PIWIL3: variants seen among roughly 807,000 people sequenced by gnomAD.
PIWIL3 encodes piwi-like protein 3.
Under a neutral mutation model 109.7 loss-of-function variants are expected in PIWIL3, and 101 were observed. The observed-to-expected ratio is 0.92, with a 90% CI of 0.78 to 1.09. The LOEUF is 1.09. PIWIL3 is among the 50% of genes least tolerant of loss of function. The pLI, the probability that PIWIL3 is intolerant of heterozygous loss-of-function variation, is 0.00. For synonymous variants in PIWIL3, 373 were observed against 376.4 expected (o/e 0.99, Z 0.10); for missense variants, 1,031 against 1,072.6 (o/e 0.96, Z 0.54).
rs1482280781 is a variant in PIWIL3 at position 24,726,721 on chromosome 22, C to G, written c.2010-1206G>C. On this transcript the variant is annotated intron_variant, in intron 16 of 20. Coordinates refer to ENST00000616349, the MANE Select transcript of PIWIL3 (RefSeq NM_001255975.1). ...ATAATTTTTCCCTATGATTGCAACG[C>G]TATTTTCAAACAAAAAGTAGAGCAA... Among the ~76,000 whole-genome samples the G allele has an allele frequency of 2.0e-5, 3 of 152,120 alleles. 1 individual carries two copies. Among genetic ancestry groups the G allele is most frequent in the Non-Finnish European group, 4.4e-5 (3 of 68,012 alleles).
chr22:24,765,737 A>G (rs924174186), intron 1 of PIWIL3, among the ~76,000 whole-genome samples: 1 of 152,028 alleles, frequency 6.6e-6, no homozygotes, highest in African/African-American at 2.4e-5. Context: ...TTATTGTATA[A>G]AAAGTTCCAC....
chr22:24,761,505 C>T (rs1408095696), intron 2 of PIWIL3, among the ~76,000 whole-genome samples: 1 of 152,160 alleles, frequency 6.6e-6, no homozygotes, highest in African/African-American at 2.4e-5. Flanking sequence ...TGGGAGTGAA[C>T]TCAGTGAGTC....
Position 24,725,484 on chromosome 22 carries a change from C to T in PIWIL3, c.2041G>A (p.Gly681Arg). 1 of 1,614,096 alleles carries T rather than the reference C, an allele frequency of 6.2e-7. No individual in the cohort carries two copies. Among genetic ancestry groups the T allele is most frequent in the East Asian group, 2.2e-5 (1 of 44,894 alleles). Residue 681 changes from glycine (G) to arginine (R), a missense_variant, in exon 17 of 21, where the codon GGA (glycine) becomes AGA (arginine). Transcript: ENST00000616349. ...TCCAGCTCTTTCACAAGCTCTTCTC[C>T]TGTTTTCTGGATGACACATTGAGAG... is the stretch of plus-strand genomic sequence containing the variant. ...WYSQCVIQKT[G>R]EELVKELEIC... is the part of the protein sequence containing the mutation.
rs1318079806 is a variant in PIWIL3 at position 24,728,079 on chromosome 22, T to C, written c.1906-26A>G. The C allele has an allele frequency of 2.5e-6, 4 of 1,611,310 alleles. No homozygotes were observed. The South Asian group carries it at 3.3e-5, about 13-fold the overall frequency. ...CTTAAGTTTGTTTTTGAAAAGGTAA[T>C]GGAGTTAGAACGTGAGCAAAATTTA... On this transcript the variant is annotated intron_variant, in intron 15 of 20. Transcript: ENST00000616349.
chr22:24,747,699 A>G (rs768782608), intron 12 of PIWIL3, among the ~76,000 whole-genome samples: 11 of 152,202 alleles, frequency 7.2e-5, no homozygotes, highest in Non-Finnish European at 1.5e-4. Flanking sequence ...GCTGATATCA[A>G]TGATCAGAGA....
chr22:24,757,098 A>AAAAAAAAAAAAG (rs1555912998), intron 4 of PIWIL3, among the ~76,000 whole-genome samples: 4 of 146,446 alleles, frequency 2.7e-5, no homozygotes, highest in African/African-American at 1.0e-4. Context: ...AAAAAAAAAA[A>AAAAAAAAAAAAG]AAAAGAAAAG....
intron 18 of PIWIL3, 98 bp from the exon 19 acceptor site, chr22:24,723,353 A>G: frequency 7.8e-7 from 1 of 1,278,310 alleles, no homozygotes; most frequent in Non-Finnish European, 1.1e-6. Context: ...GGACCCATTA[A>G]GAAGAACAGA....
intron 13 of PIWIL3, 22 bp from the exon 14 acceptor site, chr22:24,734,178 C>T (rs1234290112): frequency 6.2e-7 from 1 of 1,606,226 alleles, no homozygotes; most frequent in Admixed American, 1.7e-5. Flanking sequence ...ATATAGCATC[C>T]ACATCCAAAA....
At position 24,755,923 on chromosome 22, in the gene PIWIL3, C is replaced by CA. The variant is rs143403523; in HGVS notation, c.571-19dup. 7,771 of 1,531,322 alleles carry CA rather than the reference C, an allele frequency of 5.1e-3. 13 individuals are homozygous for CA. The highest frequency in any genetic ancestry group is 5.6e-3 in the Non-Finnish European group (6,339 of 1,130,514). The allele number at this position is 1,531,322 out of a possible 1,614,324, so 94.9% of individuals were successfully genotyped here. On this transcript the variant is annotated intron_variant, in intron 5 of 20. Coordinates refer to ENST00000616349, the MANE Select transcript of PIWIL3 (RefSeq NM_001255975.1). ...TCCACTCTCTGAGATTAAAAAAAAA[C>CA]AAAAAAAAAAGTCCAGATATTCTTC...
At chr22:24,736,784 G>A (rs556035467) in intron 12 of PIWIL3, among the ~76,000 whole-genome samples, 8 of 152,236 alleles carry the variant, frequency 5.3e-5, no homozygotes, top group Non-Finnish European at 1.2e-4. Flanking sequence ...CACAGCAACT[G>A]TGAGGCTTTG....
rs1393015805 is a variant in PIWIL3 at position 24,728,011 on chromosome 22, T to C, written c.1948A>G (p.Ile650Val). The change falls in exon 16 of 21, where the codon ATC becomes GTC. Residue 650 changes from isoleucine (I) to valine (V), a missense_variant. Physicochemically the swap from Ile to Val is conservative, Grantham distance 29. Coordinates refer to ENST00000616349, the MANE Select transcript of PIWIL3 (RefSeq NM_001255975.1). ...MFVGIDCFHD[I>V]VNRQKSIAGF... Reference sequence around the variant, plus strand: ...GCTATTGATTTCTGTCGATTTACGATATCGTGGAAACAATCAATGCCAACG... The same window carrying C: ...GCTATTGATTTCTGTCGATTTACGACATCGTGGAAACAATCAATGCCAACG... 41 of 1,614,098 alleles carry C rather than the reference T, an allele frequency of 2.5e-5. No homozygotes were observed. The highest frequency in any genetic ancestry group is 3.5e-5 in the Non-Finnish European group (41 of 1,180,002).
intron 18 of PIWIL3, 120 bp from the exon 19 acceptor site, chr22:24,723,375 C>A: frequency 9.9e-7 from 1 of 1,012,342 alleles, no homozygotes; most frequent in East Asian, 2.6e-5. Flanking sequence ...AGCAGCCCTC[C>A]TTACACCCTA....
chr22:24,742,385 G>GA (rs71274254), intron 12 of PIWIL3, among the ~76,000 whole-genome samples: 64,048 of 150,316 alleles, frequency 0.43, 14,161 homozygotes, highest in East Asian at 0.69. Context: ...CATAGAACTA[G>GA]AAAAAAAAAT....
At position 24,723,176 on chromosome 22, in the gene PIWIL3, G is replaced by C. The variant is rs754500300; in HGVS notation, c.2311C>G (p.Pro771Ala). 56 of 1,612,734 alleles carry C rather than the reference G, an allele frequency of 3.5e-5. No individual in the cohort carries two copies. In the South Asian group the frequency reaches 4.2e-4, roughly 12 times the overall value. The change falls in exon 19 of 21, where the codon CCA (proline) becomes GCA (alanine). Residue 771 changes from proline to alanine, a missense_variant. By Grantham distance (27) the Pro-to-Ala change is conservative. Transcript: ENST00000616349. ...FLKHGSNFQN[P>A]PPGTVIDVEL... ...ACATCAATAACTGTTCCTGGAGGTGGATTTTGAAAATTGCTTCCATGTTTA... is the reference window on the plus strand; with the variant it reads ...ACATCAATAACTGTTCCTGGAGGTGCATTTTGAAAATTGCTTCCATGTTTA...
At chr22:24,756,760 A>G (rs1297093398) in intron 4 of PIWIL3, 55 bp from the exon 5 acceptor site, 1 of 1,453,978 alleles carries the variant, frequency 6.9e-7, no homozygotes, top group African/African-American at 1.4e-5. Flanking sequence ...GCCCAAAACA[A>G]ACAGTTTGGA....
chr22:24,759,536 T>C (rs1164599324), intron 3 of PIWIL3, among the ~76,000 whole-genome samples: 2 of 152,182 alleles, frequency 1.3e-5, no homozygotes, highest in African/African-American at 2.4e-5. Context: ...AATGCCACAA[T>C]TTAAAGAGGA....
chr22:24,751,222 T>C (rs1301677451), intron 9 of PIWIL3, among the ~76,000 whole-genome samples, 165 bp downstream of exon 9: 1 of 152,084 alleles, frequency 6.6e-6, no homozygotes, highest in African/African-American at 2.4e-5. Context: ...TTACCCTATA[T>C]ACAAGGCACG....
intron 12 of PIWIL3, among the ~76,000 whole-genome samples, chr22:24,744,185 A>C (rs1465194109): frequency 4.8e-5 from 7 of 144,520 alleles, no homozygotes; most frequent in African/African-American, 7.6e-5. Flanking sequence ...AATTAAAAAA[A>C]AAAAAAAAAA....
At chr22:24,761,320 G>A (rs1348299314) in intron 2 of PIWIL3, among the ~76,000 whole-genome samples, 1 of 152,168 alleles carries the variant, frequency 6.6e-6, no homozygotes, top group Non-Finnish European at 1.5e-5. Context: ...CTCCACAAAG[G>A]AGAGCAAGTG....
Sources: allele counts gnomAD v4.1 joint callset (sites outside exome capture counted in the v4.1 genomes callset), GRCh38; gene constraint gnomAD v4.1.1; transcripts MANE v1.5; gene names NCBI Gene and HGNC (gene_info 2026-07-23, HGNC 2026-07-21).